FAM168A: variants seen among roughly 807,000 people sequenced by gnomAD.
FAM168A encodes the protein family with sequence similarity 168 member A.
In FAM168A, 3 loss-of-function variants were observed where a neutral mutation model predicts 28.5. That is an observed-to-expected ratio of 0.11 (90% CI 0.05 to 0.27). FAM168A has a LOEUF of 0.27. Ranked by LOEUF, FAM168A falls within the 10% of genes least tolerant of loss-of-function variation. The probability of loss-of-function intolerance (pLI) is 1.00; values close to 1 mark genes in which losing one functional copy is unlikely to be tolerated. For synonymous variants in FAM168A, 122 were observed against 124.2 expected (o/e 0.98, Z 0.12); for missense variants, 222 against 311.5 (o/e 0.71, Z 2.16).
rs1013955291 is a variant in FAM168A at position 73,403,447 on chromosome 11, G to C, written c.*3316C>G. On this transcript the variant is annotated 3_prime_UTR_variant, in exon 8 of 8. Transcript: ENST00000356467. ...GGTGTTGCACTTGGGGAGAGGCAGTGGCATGAGGAGGAGAGAGGGGTTTGC... is the reference window on the plus strand; with the variant it reads ...GGTGTTGCACTTGGGGAGAGGCAGTCGCATGAGGAGGAGAGAGGGGTTTGC... 6.6e-6 allele frequency: 1 copy of C among 152,206 alleles called. No individual in the cohort carries two copies. The highest frequency in any genetic ancestry group is 1.5e-5 in the Non-Finnish European group (1 of 68,088). 9.4% of individuals were successfully genotyped at this position (152,206 alleles called of 1,614,324 possible).
chr11:73,462,572 T>C (rs576090589), intron 2 of FAM168A, among the ~76,000 whole-genome samples: 12 of 152,298 alleles, frequency 7.9e-5, no homozygotes, highest in African/African-American at 2.9e-4. Context: ...CACTAAATAG[T>C]ACACACAAAA....
intron 1 of FAM168A, among the ~76,000 whole-genome samples, chr11:73,526,954 G>T (rs936846027): frequency 3.3e-5 from 5 of 149,342 alleles, no homozygotes; most frequent in Non-Finnish European, 7.4e-5. Context: ...TCTCTGGCTT[G>T]AAAAGACTAA....
intron 1 of FAM168A, among the ~76,000 whole-genome samples, chr11:73,526,896 G>A (rs1305296415): frequency 1.9e-4 from 27 of 144,046 alleles, no homozygotes; most frequent in African/African-American, 5.4e-4. Flanking sequence ...AAAAAAAACG[G>A]AGAGAAATGA....
intron 1 of FAM168A, among the ~76,000 whole-genome samples, chr11:73,546,732 CAAA>C (rs145898219): frequency 3.9e-5 from 3 of 77,358 alleles, no homozygotes; most frequent in Admixed American, 1.4e-4. Flanking sequence ...AACTCCATCT[CAAA>C]AAAAAAAAAA....
In FAM168A at chr11:73,402,863, C is replaced by G. The variant is rs1209877524; in HGVS notation, c.*3900G>C. 6.6e-6 allele frequency: 1 copy of G among 152,206 alleles called. No individual in the cohort carries two copies. The highest frequency in any genetic ancestry group is 2.4e-5 in the African/African-American group (1 of 41,434). 9.4% of individuals were successfully genotyped at this position (152,206 alleles called of 1,614,324 possible). On this transcript the variant is annotated 3_prime_UTR_variant, in exon 8 of 8. Transcript: ENST00000356467. ...TCCCTCCCCAGGGCTCATTACAGGT[C>G]CTGGCCCAAAGCAGTTCATACAAAT...
In FAM168A at chr11:73,505,241, GAA is replaced by G. The variant is rs548075811; in HGVS notation, c.-18-36751_-18-36750del. Among the ~76,000 whole-genome samples the G allele has an allele frequency of 1.7e-3, 218 of 131,096 alleles. 1 individual carries two copies. The South Asian group carries it at 0.018, about 11-fold the overall frequency. The allele number at this position is 131,096 out of a possible 152,430, so 86.0% of individuals were successfully genotyped here. A position where few individuals can be genotyped will look rare whatever the true frequency, so the allele number is the denominator to read the frequency against. ...AAAAGTCATGGAGTTTTGCAAAAAG[GAA>G]AAAAAAAAAAAAGAGCAAGGACTTT... On this transcript the variant is annotated intron_variant, in intron 1 of 7. Transcript: ENST00000356467.
At chr11:73,572,920 G>A (rs1174132458) in intron 1 of FAM168A, among the ~76,000 whole-genome samples, 1 of 152,098 alleles carries the variant, frequency 6.6e-6, no homozygotes, top group East Asian at 1.9e-4. Flanking sequence ...TGAAAATTTA[G>A]GTTGATGTTC....
chr11:73,447,746 C>CTTTCT (rs1867348302), intron 2 of FAM168A, among the ~76,000 whole-genome samples: 4 of 151,614 alleles, frequency 2.6e-5, no homozygotes, highest in African/African-American at 2.4e-5. Flanking sequence ...CTCTAATCAC[C>CTTTCT]AAGCCTTGTG....
chr11:73,477,514 A>G (rs1208061469), intron 1 of FAM168A, among the ~76,000 whole-genome samples: 1 of 152,192 alleles, frequency 6.6e-6, no homozygotes, highest in East Asian at 1.9e-4. Flanking sequence ...TTCAAGTTGG[A>G]TAAACACAAA....
At chr11:73,502,675 A>G (rs1855031485) in intron 1 of FAM168A, among the ~76,000 whole-genome samples, 1 of 152,134 alleles carries the variant, frequency 6.6e-6, no homozygotes, top group Admixed American at 6.5e-5. Flanking sequence ...TGATACCAAA[A>G]CTGGGAAGAG....
At chr11:73,425,111 C>T in intron 3 of FAM168A, 2 of 1,250,616 alleles carry the variant, frequency 1.6e-6, no homozygotes, top group South Asian at 2.9e-5. Flanking sequence ...GTATACATTG[C>T]AGTTACATAA....
At chr11:73,581,246 T>C (rs1944240958) in intron 1 of FAM168A, among the ~76,000 whole-genome samples, 1 of 152,252 alleles carries the variant, frequency 6.6e-6, no homozygotes, top group South Asian at 2.1e-4. Context: ...TGTATACTGT[T>C]AACGATTGTC....
At chr11:73,435,476 G>C (rs541743536) in intron 2 of FAM168A, among the ~76,000 whole-genome samples, 5 of 152,224 alleles carry the variant, frequency 3.3e-5, no homozygotes, top group African/African-American at 1.2e-4. Context: ...GAATTTGGCA[G>C]ATATTATATA....
intron 1 of FAM168A, among the ~76,000 whole-genome samples, chr11:73,509,192 C>A (rs56332879): frequency 0.083 from 12,594 of 152,254 alleles, 1,585 homozygotes; most frequent in African/African-American, 0.27. Flanking sequence ...AGAGGGAAAG[C>A]AGCTTATCCA....
chr11:73,531,133 GTGGGAGAAGGCTTCCTAGAGAGTCTCA>G (rs1943509541), intron 1 of FAM168A, among the ~76,000 whole-genome samples: 1 of 152,206 alleles, frequency 6.6e-6, no homozygotes, highest in Non-Finnish European at 1.5e-5. Flanking sequence ...CTCTGGGAGA[GTGGGAGAAGGCTTCCTAGAGAGTCTCA>G]TTTCACTACA....
rs554278477 is a variant in FAM168A at position 73,553,815 on chromosome 11, A to G, written c.-19+44108T>C. ...TGGGCAACATGGTGAAACCCTACAA[A>G]AAATAAAAATAAAATTAAAAAAAAT... is the stretch of plus-strand genomic sequence containing the variant. On this transcript the variant is annotated intron_variant, in intron 1 of 7. Transcript: ENST00000356467. 4.6e-5 allele frequency among the ~76,000 whole-genome samples: 7 copies of G among 150,572 alleles called. No homozygotes were observed. In the South Asian group the frequency reaches 1.1e-3, roughly 23 times the overall value.
chr11:73,593,170 CTG>C (rs1565312206), intron 1 of FAM168A, among the ~76,000 whole-genome samples: 1 of 151,996 alleles, frequency 6.6e-6, no homozygotes. Context: ...ATTTAGGAAA[CTG>C]TTTATCTCTG....
chr11:73,428,179 T>C (rs940914900), intron 3 of FAM168A, among the ~76,000 whole-genome samples: 2 of 152,140 alleles, frequency 1.3e-5, no homozygotes, highest in South Asian at 2.1e-4. Context: ...GAGCTCCAGA[T>C]TTCCCACCCC....
At chr11:73,466,364 G>T (rs1289381069) in intron 2 of FAM168A, among the ~76,000 whole-genome samples, 4 of 152,162 alleles carry the variant, frequency 2.6e-5, no homozygotes, top group Non-Finnish European at 5.9e-5. Context: ...CATATACTTT[G>T]AAACCACAAA....
Sources: allele counts gnomAD v4.1 joint callset (sites outside exome capture counted in the v4.1 genomes callset), GRCh38; gene constraint gnomAD v4.1.1; transcripts MANE v1.5; gene names NCBI Gene and HGNC (gene_info 2026-07-23, HGNC 2026-07-21).